Variants in ALG13 observed in about 807,000 individuals in gnomAD.
The protein encoded by ALG13 is ALG13 UDP-N-acetylglucosaminyltransferase subunit, also known as UDP-N-acetylglucosamine transferase subunit ALG13.
In ALG13, 11 loss-of-function variants were observed where a neutral mutation model predicts 87.8. The observed-to-expected ratio is 0.13, with a 90% CI of 0.08 to 0.21. The LOEUF is 0.21. Among genes scored for constraint, ALG13 ranks in the 10% least tolerant of loss-of-function variants. The probability of loss-of-function intolerance (pLI) is 1.00; values close to 1 mark genes in which losing one functional copy is unlikely to be tolerated. For missense variants in ALG13, 756 were observed against 866.1 expected (o/e 0.87, Z 1.60); for synonymous variants, 320 against 306.3 (o/e 1.04, Z -0.47).
intron 3 of ALG13, among the ~76,000 whole-genome samples, 169 bp from the exon 4 acceptor site, chrX:111,707,858 G>A (rs1939053029): frequency 8.9e-6 from 1 of 111,917 alleles, no homozygotes; most frequent in Admixed American, 9.5e-5. Flanking sequence ...CCAAAGCTCA[G>A]CTGCTTATGC....
At chrX:111,682,108 TCA>T (rs1384152204) in intron 1 of ALG13, 22 bp from the exon 2 acceptor site, 2 of 1,154,738 alleles carry the variant, frequency 1.7e-6, no homozygotes, top group African/African-American at 3.6e-5. Context: ...TAAAAGGCCC[TCA>T]CATTCTGATT....
chrX:111,744,402 T>G (rs1050513934), intron 23 of ALG13, among the ~76,000 whole-genome samples: 3 of 112,011 alleles, frequency 2.7e-5, no homozygotes, highest in Non-Finnish European at 5.6e-5. Context: ...ATGTTCAAAG[T>G]CTGATAGTCA....
At position 111,710,344 on chromosome X, in the gene ALG13, A is replaced by G. The variant is rs1050315381; in HGVS notation, c.834+1296A>G. On this transcript the variant is annotated intron_variant, in intron 5 of 26. Coordinates refer to ENST00000394780, the MANE Select transcript of ALG13 (RefSeq NM_001099922.3). ...CACTGCGTGCAGTGGAGATTTCTGC[A>G]TTTTTAACGAACTGAAGTAATGCTT... 2.1e-4 allele frequency among the ~76,000 whole-genome samples: 23 copies of G among 111,347 alleles called. No individual in the cohort carries two copies. In the Middle Eastern group the frequency reaches 0.014, roughly 67 times the overall value.
chrX:111,736,914 C>A (rs755053584), intron 23 of ALG13, 35 bp downstream of exon 23: 5 of 1,132,652 alleles, frequency 4.4e-6, no homozygotes, highest in Non-Finnish European at 5.9e-6. Flanking sequence ...TTGGAAGCCT[C>A]TTTTCCTATT....
Position 111,721,718 on chromosome X carries a change from AAATATC to A in ALG13, c.1435+10_1435+15del. ...TGGTTGGACAGCAGAAAAGGTAAAG[AAATATC>A]AACAGGATACTTTTGAATCCTGACA... On this transcript the variant is annotated splice_region_variant and intron_variant, in intron 12 of 26. Coordinates refer to ENST00000394780, the MANE Select transcript of ALG13 (RefSeq NM_001099922.3). 1 of 1,107,990 alleles carries A rather than the reference AAATATC, an allele frequency of 9.0e-7. No individual in the cohort carries two copies. The highest frequency in any genetic ancestry group is 1.2e-6 in the Non-Finnish European group (1 of 807,891). 91.3% of individuals were successfully genotyped at this position (1,107,990 alleles called of 1,213,427 possible).
In ALG13 at chrX:111,694,243, C is replaced by T. The variant is rs1936643105; in HGVS notation, c.383+9140C>T. ...TGTATTTTTGGTAGAGACAGGGTTT[C>T]ACCATGTTAGCCAGGATGGTCTCGA... On this transcript the variant is annotated intron_variant, in intron 3 of 26. Coordinates refer to ENST00000394780, the MANE Select transcript of ALG13 (RefSeq NM_001099922.3). Among the ~76,000 whole-genome samples the T allele has an allele frequency of 2.7e-5, 3 of 110,064 alleles. No individual in the cohort carries two copies. The East Asian group carries it at 8.6e-4, about 32-fold the overall frequency.
At position 111,757,733 on chromosome X, in the gene ALG13, A is replaced by G. The variant is rs2148514658; in HGVS notation, c.3119A>G (p.Asp1040Gly). The G allele has an allele frequency of 1.9e-5, 23 of 1,209,436 alleles. No homozygotes were observed. The highest frequency in any genetic ancestry group is 2.5e-5 in the Non-Finnish European group (22 of 894,641). Residue 1040 changes from aspartate (D) to glycine (G), a missense_variant, in exon 26 of 27, where the codon GAT (aspartate) becomes GGT (glycine). Coordinates refer to ENST00000394780, the MANE Select transcript of ALG13 (RefSeq NM_001099922.3). ...PQCYSEVRRE[D>G]GIQAEASAND... ...TGCTACAGTGAGGTGAGGAGAGAAG[A>G]TGGCATACAGGCGGAAGCATCAGCA...
chrX:111,718,229 G>T lies in ALG13; in HGVS notation c.1205G>T (p.Gly402Val). 8.4e-7 allele frequency: 1 copy of T among 1,194,229 alleles called. No individual in the cohort carries two copies. Among genetic ancestry groups the T allele is most frequent in the Admixed American group, 2.3e-5 (1 of 43,660 alleles). Reference sequence around the variant, plus strand: ...AAGAACAGAAATAATGCTGTAACTGGAAGCGAGGATGCCCATACTGATTAC... The same window carrying T: ...AAGAACAGAAATAATGCTGTAACTGTAAGCGAGGATGCCCATACTGATTAC... ...SKKNRNNAVT[G>V]SEDAHTDYKS... is the part of the protein sequence containing the mutation. Residue 402 changes from glycine (G) to valine (V), a missense_variant, in exon 10 of 27, where the codon GGA becomes GTA. Gly to Val is a moderately radical substitution (Grantham distance 109, BLOSUM62 -3). This residue lies in a region of ALG13 where 48 missense variants were observed against 50.5 expected (regional missense o/e 0.95). Transcript: ENST00000394780.
intron 24 of ALG13, among the ~76,000 whole-genome samples, chrX:111,750,656 C>CTTATTTATTTAT (rs767738920): frequency 9.2e-6 from 1 of 108,782 alleles, no homozygotes; most frequent in African/African-American, 3.4e-5. Flanking sequence ...TGTTTATTTA[C>CTTATTTATTTAT]TTATTTATTT....
rs145353928 is a variant in ALG13 at position 111,718,176 on chromosome X, G to A, written c.1152G>A (p.Ala384=). ...TGGATGAAGAAGAGTTGAAGACTGC[G>A]ATTAAATTGTTTCGAAGTGGTTCTA... is the stretch of plus-strand genomic sequence containing the variant. ...FVVDEEELKT[A]IKLFRSGSKK... is the part of the protein sequence containing the mutation. Residue 384 remains alanine (A), a synonymous_variant, in exon 10 of 27, where the codon GCG becomes GCA. Transcript: ENST00000394780. 1.2e-3 allele frequency: 1,355 copies of A among 1,168,749 alleles called. 5 individuals are homozygous for A. In the African/African-American group the frequency reaches 0.02, roughly 17 times the overall value.
intron 14 of ALG13, among the ~76,000 whole-genome samples, chrX:111,724,241 A>G (rs775018196): frequency 8.9e-6 from 1 of 112,093 alleles, no homozygotes; most frequent in Non-Finnish European, 1.9e-5. Context: ...TCTTTCTCAA[A>G]CTTTACCATG....
intron 15 of ALG13, among the ~76,000 whole-genome samples, chrX:111,725,557 G>T (rs762575689): frequency 1.3e-3 from 140 of 111,022 alleles, no homozygotes; most frequent in African/African-American, 4.5e-3. Context: ...GCATAATAGG[G>T]TGACTGTAGT....
At chrX:111,735,249 T>C (rs762730504) in intron 22 of ALG13, 127 bp downstream of exon 22, 2 of 447,075 alleles carry the variant, frequency 4.5e-6, no homozygotes, top group Admixed American at 8.9e-5. Flanking sequence ...TATTGTACCT[T>C]CTGGTGTCTG....
chrX:111,734,963 A>T (rs973159414), intron 21 of ALG13, 88 bp from the exon 22 acceptor site: 2 of 629,485 alleles, frequency 3.2e-6, no homozygotes, highest in African/African-American at 4.5e-5. Context: ...TTCAGGACTG[A>T]TCACTTTCAT....
At chrX:111,712,408 A>G (rs1038559740) in intron 6 of ALG13, 76 bp from the exon 7 acceptor site, 1 of 639,868 alleles carries the variant, frequency 1.6e-6, no homozygotes, top group African/African-American at 2.2e-5. Context: ...AAGCAGCTAA[A>G]AATTTGTTGT....
rs56717389 is a variant in ALG13, at chrX:111,744,768, ACCTCCTCCTCCTCCTCCTCCTCCT to A, written c.2812_2835del (p.Pro938_Pro945del). 1 of 427,805 alleles carries A rather than the reference ACCTCCTCCTCCTCCTCCTCCTCCT, an allele frequency of 2.3e-6. No individual in the cohort carries two copies. Among genetic ancestry groups the A allele is most frequent in the East Asian group, 1.0e-4 (1 of 9,546 alleles). The allele number at this position is 427,805 out of a possible 1,213,427, so 35.3% of individuals were successfully genotyped here. A position where few individuals can be genotyped will look rare whatever the true frequency, so the allele number is the denominator to read the frequency against. On this transcript the variant is annotated inframe_deletion, in exon 24 of 27. Coordinates refer to ENST00000394780, the MANE Select transcript of ALG13 (RefSeq NM_001099922.3). ...CACCACCACCACCACCACCACCACCACCTCCTCCTCCTCCTCCTCCTCCTCCTCCTCCTCCTCCTGCTCTTGATG... is the reference window on the plus strand; with the variant it reads ...CACCACCACCACCACCACCACCACCACCTCCTCCTCCTCCTGCTCTTGATG...
chrX:111,702,242 A>G (rs1361709561), intron 3 of ALG13, among the ~76,000 whole-genome samples: 1 of 111,749 alleles, frequency 8.9e-6, no homozygotes, highest in African/African-American at 3.3e-5. Context: ...TGTCTAGGTT[A>G]TCTGTCCATT....
chrX:111,759,545 T>G (rs1476840747), intron 26 of ALG13, among the ~76,000 whole-genome samples, 189 bp from the exon 27 acceptor site: 1 of 111,925 alleles, frequency 8.9e-6, no homozygotes, highest in Non-Finnish European at 1.9e-5. Context: ...TTTCACAGTT[T>G]TTTAATTTGG....
chrX:111,711,446 TGGTATGTG>T (rs1015874661), intron 5 of ALG13, among the ~76,000 whole-genome samples: 7 of 112,400 alleles, frequency 6.2e-5, no homozygotes, highest in African/African-American at 2.3e-4. Flanking sequence ...TGAAATGCAC[TGGTATGTG>T]GATATGCCAG....
Sources: allele counts gnomAD v4.1 joint callset (sites outside exome capture counted in the v4.1 genomes callset), GRCh38; gene constraint gnomAD v4.1.1; regional missense constraint gnomAD v4.1.1; transcripts MANE v1.5; gene names NCBI Gene and HGNC (gene_info 2026-07-23, HGNC 2026-07-21).